The following CAPN9 variants were observed in gnomAD, a reference collection of about 807,000 sequenced individuals.
CAPN9 encodes calpain-9.
In CAPN9, 81 loss-of-function variants were observed where a neutral mutation model predicts 92.8. That is an observed-to-expected ratio of 0.87 (90% CI 0.73 to 1.05). CAPN9 has a LOEUF of 1.05. Ranked by LOEUF, CAPN9 falls within the 50% of genes least tolerant of loss-of-function variation. CAPN9 has a pLI of 0.00. For synonymous variants in CAPN9, 304 were observed against 328.0 expected (o/e 0.93, Z 0.79); for missense variants, 848 against 866.2 (o/e 0.98, Z 0.26).
chr1:230,792,027 T>C, intron 15 of CAPN9, 99 bp downstream of exon 15: 1 of 889,312 alleles, frequency 1.1e-6, no homozygotes, highest in Middle Eastern at 2.2e-4. Flanking sequence ...GAACATGACA[T>C]CCTTAGCCAG....
intron 13 of CAPN9, among the ~76,000 whole-genome samples, chr1:230,789,433 A>G (rs1667824423): frequency 6.9e-6 from 1 of 144,514 alleles, no homozygotes; most frequent in Admixed American, 7.2e-5. Context: ...TGGTCACACC[A>G]CTAATACTCC....
rs1021695271 is a variant in CAPN9, at chr1:230,762,803, C to T, written c.536+17C>T. ...CTACGCCAAGTGAGTGACAGCTTCC[C>T]CAGCTCAGGCAGCCTCCCGACAGGA... On this transcript the variant is annotated intron_variant, in intron 4 of 19. Transcript: ENST00000271971. The T allele has an allele frequency of 1.9e-5, 31 of 1,612,140 alleles. No homozygotes were observed. The highest frequency in any genetic ancestry group is 6.7e-5 in the Admixed American group (4 of 59,790).
intron 8 of CAPN9, 92 bp downstream of exon 8, chr1:230,774,723 T>TTTTC (rs571764757): frequency 2.3e-5 from 17 of 752,408 alleles, no homozygotes; most frequent in African/African-American, 1.9e-4. Flanking sequence ...TCGCTTTCCT[T>TTTTC]TTTCTTTCTT....
At chr1:230,753,531 G>A (rs1379333147) in intron 1 of CAPN9, among the ~76,000 whole-genome samples, 1 of 152,090 alleles carries the variant, frequency 6.6e-6, no homozygotes, top group Non-Finnish European at 1.5e-5. Flanking sequence ...GATTCTTTGG[G>A]ACACAAGATG....
At chr1:230,767,806 A>G in intron 5 of CAPN9, 97 bp downstream of exon 5, 1 of 1,145,544 alleles carries the variant, frequency 8.7e-7, no homozygotes, top group Non-Finnish European at 1.2e-6. Flanking sequence ...CCCCAGCCAC[A>G]CCCAAGGAGG....
intron 2 of CAPN9, among the ~76,000 whole-genome samples, chr1:230,758,883 T>C (rs1665429887): frequency 1.3e-5 from 2 of 151,992 alleles, no homozygotes; most frequent in African/African-American, 4.8e-5. Flanking sequence ...CCTCCAGGAG[T>C]CTGGAACAGC....
chr1:230,768,019 A>C (rs1666106717), intron 5 of CAPN9, among the ~76,000 whole-genome samples: 3 of 66,004 alleles, frequency 4.5e-5, no homozygotes, highest in African/African-American at 2.0e-4. Flanking sequence ...ATAATAAATA[A>C]ATAAATAAAT....
At chr1:230,800,404 C>T (rs1453846659) in intron 19 of CAPN9, among the ~76,000 whole-genome samples, 1 of 152,036 alleles carries the variant, frequency 6.6e-6, no homozygotes, top group African/African-American at 2.4e-5. Context: ...AGTGTGATGG[C>T]TGCCCCTGGT....
intron 13 of CAPN9, among the ~76,000 whole-genome samples, chr1:230,788,051 C>T (rs1447160744): frequency 2.0e-5 from 3 of 152,120 alleles, no homozygotes; most frequent in Non-Finnish European, 4.4e-5. Context: ...AAGAGTCTTG[C>T]TATGTTGCCC....
intron 15 of CAPN9, 83 bp from the exon 16 acceptor site, chr1:230,792,343 C>T (rs900502387): frequency 5.9e-6 from 7 of 1,183,982 alleles, no homozygotes; most frequent in Non-Finnish European, 8.8e-6. Flanking sequence ...CGGCCCTCCC[C>T]CTCTGCAGTC....
At chr1:230,752,753 C>T in intron 1 of CAPN9, 1 of 968,444 alleles carries the variant, frequency 1.0e-6, no homozygotes, top group Non-Finnish European at 1.2e-6. Flanking sequence ...CATTGCTTGC[C>T]AGGGCTATCC....
chr1:230,792,934 G>C lies in CAPN9; in HGVS notation c.1870+6G>C. 6.2e-7 allele frequency: 1 copy of C among 1,608,892 alleles called. No individual in the cohort carries two copies. The highest frequency in any genetic ancestry group is 8.5e-7 in the Non-Finnish European group (1 of 1,175,458). On this transcript the variant is annotated splice_donor_region_variant and intron_variant, in intron 17 of 19. Transcript: ENST00000271971. ...GACTGCACTGAAAGCTGCAGGTAAA[G>C]AAAAGACTGGAGTACAGGTGGCTGA... is the stretch of plus-strand genomic sequence containing the variant.
intron 9 of CAPN9, 80 bp from the exon 10 acceptor site, chr1:230,780,099 T>A: frequency 1.1e-6 from 1 of 893,536 alleles, no homozygotes; most frequent in Non-Finnish European, 1.8e-6. Flanking sequence ...TGTGTGTGTG[T>A]GTGTGTGTGT....
intron 17 of CAPN9, among the ~76,000 whole-genome samples, chr1:230,793,316 G>A (rs1001958844): frequency 2.0e-5 from 3 of 152,178 alleles, no homozygotes; most frequent in Non-Finnish European, 2.9e-5. Context: ...GGTTGTTATC[G>A]TGGATGAGAC....
intron 11 of CAPN9, among the ~76,000 whole-genome samples, chr1:230,784,351 G>A (rs1219051652): frequency 1.3e-5 from 2 of 152,204 alleles, no homozygotes; most frequent in East Asian, 3.9e-4. Flanking sequence ...AGACAATGGG[G>A]AAAAGGCCTC....
chr1:230,750,338 A>G (rs1211321460), intron 1 of CAPN9, among the ~76,000 whole-genome samples: 1 of 152,106 alleles, frequency 6.6e-6, no homozygotes, highest in African/African-American at 2.4e-5. Context: ...CCACAGACTC[A>G]TTTTCAGAAT....
chr1:230,760,140 C>T (rs1484243342), intron 3 of CAPN9, among the ~76,000 whole-genome samples: 3 of 152,114 alleles, frequency 2.0e-5, no homozygotes, highest in Non-Finnish European at 2.9e-5. Context: ...GGCTTGCCCC[C>T]AGGAGATGGT....
rs530347799 is a variant in CAPN9, at chr1:230,774,062, C to T, written c.876-492C>T. 1.1e-4 allele frequency among the ~76,000 whole-genome samples: 17 copies of T among 152,292 alleles called. No individual in the cohort carries two copies. The East Asian group carries it at 2.9e-3, about 26-fold the overall frequency. On this transcript the variant is annotated intron_variant, in intron 7 of 19. Coordinates refer to ENST00000271971, the MANE Select transcript of CAPN9 (RefSeq NM_006615.3). ...CACAGAACCCCACCTGGCTTGCCAG[C>T]GAGGTCACATACAAAAGGTGCCGGG...
At chr1:230,781,798 A>G (rs1422730836) in intron 11 of CAPN9, among the ~76,000 whole-genome samples, 1 of 152,254 alleles carries the variant, frequency 6.6e-6, no homozygotes, top group East Asian at 1.9e-4. Context: ...TCTTTCGTTT[A>G]GTGAGAGAGA....
Sources: allele counts gnomAD v4.1 joint callset (sites outside exome capture counted in the v4.1 genomes callset), GRCh38; gene constraint gnomAD v4.1.1; transcripts MANE v1.5; gene names NCBI Gene and HGNC (gene_info 2026-07-23, HGNC 2026-07-21).